LIMCH1: variants seen among roughly 807,000 people sequenced by gnomAD.
The protein encoded by LIMCH1 is LIM and calponin homology domains 1.
Under a neutral mutation model 176.5 loss-of-function variants are expected in LIMCH1, and 113 were observed. The observed-to-expected ratio is 0.64, with a 90% CI of 0.55 to 0.75. The LOEUF is 0.75. LIMCH1 is among the 30% of genes least tolerant of loss of function. LIMCH1 has a pLI of 0.00. For synonymous variants in LIMCH1, 619 were observed against 645.9 expected, an observed-to-expected ratio of 0.96 and a Z score of 0.63; for missense variants, 1,674 against 1,814.9, an observed-to-expected ratio of 0.92 and a Z score of 1.41.
intron 2 of LIMCH1, among the ~76,000 whole-genome samples, chr4:41,523,641 C>T (rs1307417458): frequency 1.3e-5 from 2 of 152,164 alleles, no homozygotes; most frequent in Non-Finnish European, 2.9e-5. Context: ...ACCCAATTAC[C>T]CCGATGCTAA....
intron 1 of LIMCH1, among the ~76,000 whole-genome samples, chr4:41,421,681 A>T (rs1457723559): frequency 6.6e-6 from 1 of 152,214 alleles, no homozygotes; most frequent in African/African-American, 2.4e-5. Context: ...TGTAAAAAGC[A>T]TAAGACTGAA....
chr4:41,481,348 G>C (rs1274448528), intron 1 of LIMCH1, among the ~76,000 whole-genome samples: 2 of 152,178 alleles, frequency 1.3e-5, no homozygotes, highest in African/African-American at 4.8e-5. Context: ...TGAAGCCCTG[G>C]GCTGGGTGAA....
At chr4:41,651,009 T>TTTA (rs201123737) in intron 18 of LIMCH1, among the ~76,000 whole-genome samples, 1,666 of 152,070 alleles carry the variant, frequency 0.011, 23 homozygotes, top group African/African-American at 0.037. Context: ...TTTATTTTAT[T>TTTA]TTATTTTATT....
chr4:41,473,468 GT>G (rs1457024656), intron 1 of LIMCH1, among the ~76,000 whole-genome samples: 1 of 152,198 alleles, frequency 6.6e-6, no homozygotes, highest in Non-Finnish European at 1.5e-5. Context: ...CAACTGGTCT[GT>G]TTTGCTGGTT....
At chr4:41,361,002 C>A in intron 1 of LIMCH1, 2 of 1,215,636 alleles carry the variant, frequency 1.6e-6, no homozygotes, top group Non-Finnish European at 2.3e-6. Context: ...GCGCACGCTC[C>A]GACCGCAGGT....
intron 12 of LIMCH1, among the ~76,000 whole-genome samples, 198 bp downstream of exon 12, chr4:41,633,283 C>T (rs540020975): frequency 6.6e-6 from 1 of 152,178 alleles, no homozygotes; most frequent in Non-Finnish European, 1.5e-5. Context: ...ATATTTTAGC[C>T]TTTGCATGTG....
At position 41,677,932 on chromosome 4, in the gene LIMCH1, G is replaced by A. The variant is rs569284051; in HGVS notation, c.3519+1470G>A. Reference sequence around the variant, plus strand: ...TGTAGAAAGCAATGCTTTTTTTGACGTTTGTTCATTTTTTAAATTATACTT... The same window carrying A: ...TGTAGAAAGCAATGCTTTTTTTGACATTTGTTCATTTTTTAAATTATACTT... On this transcript the variant is annotated intron_variant, in intron 23 of 31. Transcript: ENST00000503057. Among the ~76,000 whole-genome samples, 17 of 151,866 alleles carry A rather than the reference G, an allele frequency of 1.1e-4. 1 individual carries two copies. Among genetic ancestry groups the A allele is most frequent in the East Asian group, 3.9e-4 (2 of 5,156 alleles).
chr4:41,475,568 T>C (rs1392114817), intron 1 of LIMCH1, among the ~76,000 whole-genome samples: 2 of 152,204 alleles, frequency 1.3e-5, no homozygotes, highest in Non-Finnish European at 2.9e-5. Flanking sequence ...CCTATTCCCA[T>C]GAGAACTGGT....
At chr4:41,382,589 G>A (rs1260024404) in intron 1 of LIMCH1, among the ~76,000 whole-genome samples, 2 of 152,010 alleles carry the variant, frequency 1.3e-5, no homozygotes, top group Non-Finnish European at 2.9e-5. Flanking sequence ...GGAAAGGAGG[G>A]GAGGGCTTCC....
chr4:41,653,548 G>A (rs757778027), intron 18 of LIMCH1, among the ~76,000 whole-genome samples: 1 of 152,178 alleles, frequency 6.6e-6, no homozygotes, highest in Admixed American at 6.5e-5. Context: ...ATTCCCAACA[G>A]ATACACTCTC....
At chr4:41,421,919 C>T (rs1444839986) in intron 1 of LIMCH1, among the ~76,000 whole-genome samples, 1 of 151,982 alleles carries the variant, frequency 6.6e-6, no homozygotes, top group Non-Finnish European at 1.5e-5. Flanking sequence ...CTCGTCTCTA[C>T]TAAAAATACA....
chr4:41,445,949 A>T (rs2063236007), intron 1 of LIMCH1, among the ~76,000 whole-genome samples: 1 of 152,214 alleles, frequency 6.6e-6, no homozygotes, highest in South Asian at 2.1e-4. Context: ...TCCTCTGTGA[A>T]TGAGTTCCTA....
chr4:41,405,428 T>C lies in LIMCH1; in HGVS notation c.96+44492T>C, dbSNP rs540658257. ...GGGAGCTCTTTTAGACAATGAAACA[T>C]AGTGGGGTCCTTGAGTGCAACTAAA... is the stretch of plus-strand genomic sequence containing the variant. On this transcript the variant is annotated intron_variant, in intron 1 of 26. Coordinates refer to the LIMCH1 transcript ENST00000313860. Among the ~76,000 whole-genome samples the C allele has an allele frequency of 2.0e-5, 3 of 152,224 alleles. No homozygotes were observed. The East Asian group carries it at 5.8e-4, about 29-fold the overall frequency.
At chr4:41,411,692 G>A (rs1052724568) in intron 1 of LIMCH1, among the ~76,000 whole-genome samples, 8 of 151,110 alleles carry the variant, frequency 5.3e-5, no homozygotes, top group African/African-American at 1.9e-4. Context: ...TGGGTGTGGT[G>A]GCTCACGCCT....
At chr4:41,551,590 AAACCAGCCTGCTTCCTTTTGTTC>A (rs1460167371) in intron 1 of LIMCH1, among the ~76,000 whole-genome samples, 5 of 152,206 alleles carry the variant, frequency 3.3e-5, no homozygotes, top group African/African-American at 4.8e-5. Context: ...CTGCAGGCCA[AAACCAGCCTGCTTCCTTTTGTTC>A]ATGGCCTGTG....
chr4:41,382,335 T>C (rs1469085461), intron 1 of LIMCH1, among the ~76,000 whole-genome samples: 1 of 151,570 alleles, frequency 6.6e-6, no homozygotes, highest in Non-Finnish European at 1.5e-5. Flanking sequence ...GGGTAGGCTG[T>C]ATCCGTGGAG....
intron 8 of LIMCH1, among the ~76,000 whole-genome samples, chr4:41,629,120 G>T (rs191442302): frequency 2.0e-5 from 3 of 152,274 alleles, no homozygotes; most frequent in East Asian, 3.9e-4. Context: ...AGGGCTAAGG[G>T]ATTCATCAGA....
intron 29 of LIMCH1, 50 bp downstream of exon 29, chr4:41,687,967 C>A: frequency 7.0e-7 from 1 of 1,429,532 alleles, no homozygotes; most frequent in Non-Finnish European, 9.9e-7. Context: ...ATGACTAGAG[C>A]TTGCCAAGCA....
intron 1 of LIMCH1, among the ~76,000 whole-genome samples, chr4:41,486,961 CACACACACACATACAT>C (rs978250681): frequency 4.8e-4 from 56 of 117,634 alleles, no homozygotes; most frequent in Non-Finnish European, 8.0e-4. Flanking sequence ...TATATATATA[CACACACACACATACAT>C]ACACACACAC....
Sources: allele counts gnomAD v4.1 joint callset (sites outside exome capture counted in the v4.1 genomes callset), GRCh38; gene constraint gnomAD v4.1.1; transcripts MANE v1.5; gene names NCBI Gene and HGNC (gene_info 2026-07-23, HGNC 2026-07-21).